FYB2: variants seen among roughly 807,000 people sequenced by gnomAD.
FYB2 encodes FYN-binding protein 2.
A neutral mutation model predicts 94.1 loss-of-function variants in FYB2; 103 were observed. The ratio of observed to expected loss-of-function variants is 1.09; its 90% CI spans 0.93 to 1.29. FYB2 has a LOEUF of 1.29. FYB2 is among the 50% of genes most tolerant of loss of function. FYB2 has a pLI of 0.00. For missense variants in FYB2, 896 were observed against 841.5 expected (o/e 1.06, Z -0.80); for synonymous variants, 293 against 287.9 (o/e 1.02, Z -0.18).
intron 1 of FYB2, among the ~76,000 whole-genome samples, chr1:56,816,481 G>A (rs1646884708): frequency 1.3e-5 from 2 of 152,206 alleles, no homozygotes; most frequent in South Asian, 4.1e-4. Context: ...TGAAAGCACA[G>A]AGTGTCACAT....
chr1:56,793,949 C>T (rs1035487123), intron 1 of FYB2, among the ~76,000 whole-genome samples: 1 of 152,148 alleles, frequency 6.6e-6, no homozygotes, highest in African/African-American at 2.4e-5. Flanking sequence ...CTCTGAGAAA[C>T]TTGATCTTCC....
At chr1:56,808,999 A>T (rs542710629) in intron 1 of FYB2, among the ~76,000 whole-genome samples, 13 of 152,240 alleles carry the variant, frequency 8.5e-5, no homozygotes, top group South Asian at 2.1e-4. Flanking sequence ...TTACACACAC[A>T]CATACACATA....
intron 2 of FYB2, among the ~76,000 whole-genome samples, chr1:56,789,664 T>C (rs763594487): frequency 2.0e-5 from 3 of 152,198 alleles, no homozygotes; most frequent in Non-Finnish European, 2.9e-5. Context: ...ACCTCTGATT[T>C]GTATCCCTGT....
intron 11 of FYB2, 72 bp downstream of exon 11, chr1:56,743,954 T>A: frequency 1.4e-6 from 2 of 1,473,550 alleles, no homozygotes; most frequent in Non-Finnish European, 1.9e-6. Context: ...AAAAGACATC[T>A]TATCACTAAT....
intron 5 of FYB2, 83 bp from the exon 6 acceptor site, chr1:56,758,833 G>T: frequency 9.3e-7 from 1 of 1,072,566 alleles, no homozygotes; most frequent in Non-Finnish European, 1.3e-6. Flanking sequence ...AGTTATAAAA[G>T]ATTCCAGAAT....
chr1:56,726,789 T>C (rs1161579534), intron 15 of FYB2, among the ~76,000 whole-genome samples: 1 of 152,130 alleles, frequency 6.6e-6, no homozygotes, highest in Non-Finnish European at 1.5e-5. Context: ...AACTCTACTG[T>C]TGCAACTTTA....
chr1:56,721,337 T>C (rs1644481802), intron 17 of FYB2, among the ~76,000 whole-genome samples: 2 of 152,124 alleles, frequency 1.3e-5, no homozygotes, highest in African/African-American at 4.8e-5. Flanking sequence ...AATGTATCTA[T>C]CTATAACTAT....
At chr1:56,794,773 C>A (rs2100991675) in intron 1 of FYB2, among the ~76,000 whole-genome samples, 1 of 152,226 alleles carries the variant, frequency 6.6e-6, no homozygotes, top group Non-Finnish European at 1.5e-5. Flanking sequence ...CAGCACTGGG[C>A]ATGAAATCAG....
intron 9 of FYB2, among the ~76,000 whole-genome samples, chr1:56,746,687 C>A (rs1180833708): frequency 2.0e-5 from 3 of 151,856 alleles, no homozygotes; most frequent in East Asian, 3.9e-4. Context: ...ATTTATTTAT[C>A]CATTCTACTT....
chr1:56,798,648 T>C (rs1459090569), intron 1 of FYB2, among the ~76,000 whole-genome samples: 1 of 152,110 alleles, frequency 6.6e-6, no homozygotes, highest in Non-Finnish European at 1.5e-5. Context: ...TAAGGAATAA[T>C]GATAATAATA....
chr1:56,756,638 G>T (rs1645338805), intron 6 of FYB2, among the ~76,000 whole-genome samples: 1 of 152,104 alleles, frequency 6.6e-6, no homozygotes, highest in Admixed American at 6.6e-5. Flanking sequence ...CAAATTAGAT[G>T]CAGCACTGGT....
Position 56,740,815 on chromosome 1 carries a change from A to G in FYB2, c.1605-20T>C, listed in dbSNP as rs775346111. ...TCTAAACTGAGAGGAATCACAGGAT[A>G]TAAGTAACATGGCATTTAAGAGAGT... On this transcript the variant is annotated intron_variant, in intron 12 of 19. Coordinates refer to ENST00000343433, the MANE Select transcript of FYB2 (RefSeq NM_001004303.5). 4.0e-6 allele frequency: 6 copies of G among 1,500,546 alleles called. No individual in the cohort carries two copies. In the African/African-American group the frequency reaches 4.2e-5, roughly 10 times the overall value. The allele number at this position is 1,500,546 out of a possible 1,614,324, so 93.0% of individuals were successfully genotyped here. A position where few individuals can be genotyped will look rare whatever the true frequency, so the allele number is the denominator to read the frequency against.
chr1:56,757,735 ATTCT>A (rs1417490380), intron 6 of FYB2, among the ~76,000 whole-genome samples: 31 of 100,190 alleles, frequency 3.1e-4, no homozygotes, highest in Admixed American at 6.4e-4. Flanking sequence ...TCTTTCTTTC[ATTCT>A]TTCTTTCTTT....
intron 12 of FYB2, among the ~76,000 whole-genome samples, chr1:56,741,841 A>G (rs857121): frequency 0.16 from 23,582 of 151,990 alleles, 2,741 homozygotes; most frequent in African/African-American, 0.31. Context: ...TAATATTTAC[A>G]TCTCTTTTAT....
chr1:56,776,300 T>C (rs1221613735), intron 4 of FYB2, among the ~76,000 whole-genome samples: 1 of 152,176 alleles, frequency 6.6e-6, no homozygotes, highest in Non-Finnish European at 1.5e-5. Context: ...GAAAATGTTA[T>C]GGGGAAGTTC....
At chr1:56,738,687 G>A (rs775763948) in intron 13 of FYB2, 34 bp from the exon 14 acceptor site, 2 of 1,601,270 alleles carry the variant, frequency 1.2e-6, no homozygotes, top group South Asian at 1.1e-5. Context: ...AAGAGTTAAG[G>A]AAAAAAACCA....
chr1:56,811,897 G>T (rs759297734), intron 1 of FYB2, among the ~76,000 whole-genome samples: 1 of 151,626 alleles, frequency 6.6e-6, no homozygotes, highest in Non-Finnish European at 1.5e-5. Context: ...TTTCTACATC[G>T]ACTTTTCAGT....
rs748632090 is a variant in FYB2 at position 56,787,209 on chromosome 1, C to T, written c.920-1G>A. ...GACAGGGAGCCCTCTTCCACAGTCA[C>T]TGCAAGAGAAAGAGGCGGAATGAAA... On this transcript the variant is annotated splice_acceptor_variant, in intron 3 of 19. Coordinates refer to ENST00000343433, the MANE Select transcript of FYB2 (RefSeq NM_001004303.5). LOFTEE classifies it high-confidence loss of function. 4 of 1,613,908 alleles carry T rather than the reference C, an allele frequency of 2.5e-6. No homozygotes were observed. The highest frequency in any genetic ancestry group is 3.4e-6 in the Non-Finnish European group (4 of 1,179,854).
chr1:56,759,005 G>T (rs1006683323), intron 5 of FYB2, among the ~76,000 whole-genome samples: 1 of 152,068 alleles, frequency 6.6e-6, no homozygotes, highest in Non-Finnish European at 1.5e-5. Context: ...TCCTGTTTTG[G>T]CAAACAGATA....
Sources: allele counts gnomAD v4.1 joint callset (sites outside exome capture counted in the v4.1 genomes callset), GRCh38; gene constraint gnomAD v4.1.1; transcripts MANE v1.5; gene names NCBI Gene and HGNC (gene_info 2026-07-23, HGNC 2026-07-21).